The following TMEM71 variants were observed in gnomAD, a reference collection of about 807,000 sequenced individuals.
TMEM71 encodes the protein transmembrane protein 71.
TMEM71 carries 44 observed loss-of-function variants against 38.0 expected under a neutral mutation model. That is an observed-to-expected ratio of 1.16 (90% confidence interval 0.91 to 1.49). The LOEUF is 1.49. Among genes scored for constraint, TMEM71 ranks in the 40% most tolerant of loss-of-function variants. TMEM71 has a pLI of 0.00. For synonymous variants in TMEM71, 133 were observed against 122.5 expected, an observed-to-expected ratio of 1.09 and a Z score of -0.56; for missense variants, 367 against 348.6, an observed-to-expected ratio of 1.05 and a Z score of -0.42.
chr8:132,711,694 ATCTTC>A (rs1484427756), intron 9 of TMEM71, among the ~76,000 whole-genome samples: 19 of 152,192 alleles, frequency 1.2e-4, no homozygotes, highest in African/African-American at 4.6e-4. Context: ...GATAGTCCCT[ATCTTC>A]ACAGGCTTTA....
intron 4 of TMEM71, among the ~76,000 whole-genome samples, chr8:132,747,961 G>T (rs1828485513): frequency 6.6e-6 from 1 of 152,174 alleles, no homozygotes; most frequent in South Asian, 2.1e-4. Context: ...TGGTAGCAGA[G>T]GGTGGCTCAG....
At chr8:132,737,948 A>G (rs1827837082) in intron 5 of TMEM71, among the ~76,000 whole-genome samples, 1 of 152,192 alleles carries the variant, frequency 6.6e-6, no homozygotes, top group Non-Finnish European at 1.5e-5. Flanking sequence ...TCTACTGGTT[A>G]TCTATTTCCC....
chr8:132,769,871 G>A, the TMEM71 span, among the ~76,000 whole-genome samples: 1 of 152,204 alleles, frequency 6.6e-6, no homozygotes, highest in East Asian at 1.9e-4. Flanking sequence ...AATGATGAAT[G>A]AATGCATGCA....
upstream of TMEM71, among the ~76,000 whole-genome samples, chr8:132,762,062 A>G (rs1829306381): frequency 6.6e-6 from 1 of 152,208 alleles, no homozygotes; most frequent in Admixed American, 6.5e-5. Flanking sequence ...GAAGTGACAA[A>G]TGGTATTTCA....
chr8:132,768,503 T>G, the TMEM71 span, among the ~76,000 whole-genome samples: 1 of 152,138 alleles, frequency 6.6e-6, no homozygotes, highest in South Asian at 2.1e-4. Context: ...AAATGCTATA[T>G]GTATATCCCT....
intron 3 of TMEM71, among the ~76,000 whole-genome samples, chr8:132,756,107 G>A (rs1828988232): frequency 6.6e-6 from 1 of 151,936 alleles, no homozygotes; most frequent in African/African-American, 2.4e-5. Flanking sequence ...ATTTCACAAT[G>A]CTAGGGGAAA....
chr8:132,746,272 T>A (rs1341788915), intron 5 of TMEM71, among the ~76,000 whole-genome samples: 1 of 150,114 alleles, frequency 6.7e-6, no homozygotes, highest in Non-Finnish European at 1.5e-5. Context: ...TTAATATTAA[T>A]GTTATTACAC....
chr8:132,775,520 G>A, the TMEM71 span: 5 of 373,696 alleles, frequency 1.3e-5, no homozygotes, highest in South Asian at 6.5e-4. Context: ...AGCTCGCTCC[G>A]CTCCTGCTCC....
intron 5 of TMEM71, among the ~76,000 whole-genome samples, chr8:132,733,386 A>G (rs570161236): frequency 3.9e-5 from 6 of 152,298 alleles, no homozygotes; most frequent in South Asian, 4.2e-4. Flanking sequence ...TACAGTAACT[A>G]TAGAGAAAGT....
At chr8:132,734,896 C>G (rs374864965) in intron 5 of TMEM71, among the ~76,000 whole-genome samples, 31 of 152,256 alleles carry the variant, frequency 2.0e-4, no homozygotes, top group African/African-American at 7.0e-4. Context: ...ATCTTCTAAG[C>G]ACATCTTCCA....
At chr8:132,761,824 T>C (rs1253968168), upstream of TMEM71, among the ~76,000 whole-genome samples, 2 of 152,214 alleles carry the variant, frequency 1.3e-5, no homozygotes, top group Non-Finnish European at 2.9e-5. Flanking sequence ...GAGAAGCCCA[T>C]GTGTCAAGGA....
chr8:132,715,189 G>A (rs997353637), intron 7 of TMEM71, among the ~76,000 whole-genome samples: 2 of 151,722 alleles, frequency 1.3e-5, no homozygotes, highest in Admixed American at 6.6e-5. Flanking sequence ...GGCGGATCAC[G>A]AGGTCAGGAG....
chr8:132,715,021 A>T (rs1340321310), intron 7 of TMEM71, among the ~76,000 whole-genome samples: 1 of 152,220 alleles, frequency 6.6e-6, no homozygotes, highest in Non-Finnish European at 1.5e-5. Flanking sequence ...ATCACTGCAT[A>T]CCTAGTAGAA....
At chr8:132,744,425 C>T (rs769726429) in intron 5 of TMEM71, among the ~76,000 whole-genome samples, 11 of 152,086 alleles carry the variant, frequency 7.2e-5, no homozygotes, top group Non-Finnish European at 1.3e-4. Context: ...GAATGCAATC[C>T]CATTTACAAT....
the TMEM71 span, among the ~76,000 whole-genome samples, chr8:132,771,540 C>T: frequency 6.6e-6 from 1 of 151,796 alleles, no homozygotes; most frequent in Non-Finnish European, 1.5e-5. Flanking sequence ...AACACATAAA[C>T]TTACATATAT....
chr8:132,725,014 CT>C (rs961464972), intron 6 of TMEM71, among the ~76,000 whole-genome samples: 1 of 151,360 alleles, frequency 6.6e-6, no homozygotes, highest in African/African-American at 2.4e-5. Context: ...TATGGAGGGC[CT>C]TTTTTTCTTT....
At chr8:132,730,163 G>T (rs1020968412) in intron 5 of TMEM71, among the ~76,000 whole-genome samples, 1 of 152,042 alleles carries the variant, frequency 6.6e-6, no homozygotes, top group Non-Finnish European at 1.5e-5. Context: ...TCTCCATGTT[G>T]GTCAGACTAG....
intron 7 of TMEM71, among the ~76,000 whole-genome samples, chr8:132,718,862 G>A (rs955363691): frequency 2.0e-5 from 3 of 152,124 alleles, no homozygotes; most frequent in African/African-American, 4.8e-5. Flanking sequence ...AAAAAGAATA[G>A]TATTTTTATT....
At chr8:132,707,537 G>A (rs577844611), downstream of TMEM71, among the ~76,000 whole-genome samples, 4 of 152,000 alleles carry the variant, frequency 2.6e-5, no homozygotes, top group Admixed American at 6.6e-5. Context: ...TAGTTATCTC[G>A]GGAGTAGGTT....
Sources: gnomAD v4.1 joint callset for allele counts (sites outside exome capture counted in the v4.1 genomes callset) on GRCh38, gnomAD v4.1.1 for gene constraint, MANE v1.5 for transcripts, NCBI Gene and HGNC (gene_info 2026-07-23, HGNC 2026-07-21) for gene names.